The following ELOVL7 variants were observed in gnomAD, a reference collection of about 807,000 sequenced individuals.
The protein encoded by ELOVL7 is very long chain fatty acid elongase 7.
In ELOVL7, 27 loss-of-function variants were observed where a neutral mutation model predicts 35.7. That is an observed-to-expected ratio of 0.76 (90% CI 0.56 to 1.04). The LOEUF is 1.04. Ranked by LOEUF, ELOVL7 falls within the 50% of genes least tolerant of loss-of-function variation. The probability of loss-of-function intolerance (pLI) is 0.00; values close to 1 mark genes in which losing one functional copy is unlikely to be tolerated. For synonymous variants in ELOVL7, 113 were observed against 114.6 expected (o/e 0.99, Z 0.09); for missense variants, 327 against 340.8 (o/e 0.96, Z 0.32).
rs1224260058 is a variant in ELOVL7 at position 60,787,357 on chromosome 5, T to C, written c.41A>G (p.Tyr14Cys). 1.2e-6 allele frequency: 2 copies of C among 1,604,896 alleles called. No individual in the cohort carries two copies. The highest frequency in any genetic ancestry group is 1.3e-5 in the African/African-American group (1 of 74,472). Residue 14 changes from tyrosine to cysteine, a missense_variant, in exon 3 of 9, where the codon TAT becomes TGT. By Grantham distance (194) the Tyr-to-Cys change is radical. Transcript: ENST00000508821. ...ACCAGCATCTTTGATCCAATTATCA[T>C]AAAGATGCACAGTCCTCGATGTAAG... ...SDLTSRTVHL[Y>C]DNWIKDADPR...
At chr5:60,795,828 G>A (rs543590316) in intron 2 of ELOVL7, among the ~76,000 whole-genome samples, 5 of 123,844 alleles carry the variant, frequency 4.0e-5, no homozygotes, top group East Asian at 6.6e-4. Flanking sequence ...GTTCTCTTCC[G>A]TGACCCACGG....
At chr5:60,789,395 T>C (rs527862561) in intron 2 of ELOVL7, among the ~76,000 whole-genome samples, 4 of 152,220 alleles carry the variant, frequency 2.6e-5, no homozygotes, top group Non-Finnish European at 5.9e-5. Flanking sequence ...TCTGCAATAT[T>C]TTTTGTCTAT....
chr5:60,841,163 C>G (rs901254303), intron 1 of ELOVL7, among the ~76,000 whole-genome samples: 2 of 151,506 alleles, frequency 1.3e-5, no homozygotes, highest in Non-Finnish European at 2.9e-5. Context: ...GTAGCTGGGA[C>G]TACAGGCATG....
intron 1 of ELOVL7, among the ~76,000 whole-genome samples, chr5:60,823,597 T>A (rs1746008825): frequency 6.6e-6 from 1 of 152,188 alleles, no homozygotes; most frequent in Non-Finnish European, 1.5e-5. Flanking sequence ...AAGTAGGAAG[T>A]GGGATCAATT....
intron 7 of ELOVL7, among the ~76,000 whole-genome samples, chr5:60,759,330 G>A (rs1020625957): frequency 1.3e-4 from 20 of 152,094 alleles, no homozygotes; most frequent in African/African-American, 4.6e-4. Context: ...ATTTATATTT[G>A]GAATGGTCTT....
rs1741352068 is a variant in ELOVL7, at chr5:60,753,081, C to T, written c.*1543G>A. On this transcript the variant is annotated 3_prime_UTR_variant, in exon 9 of 9. Coordinates refer to ENST00000508821, the MANE Select transcript of ELOVL7 (RefSeq NM_024930.3). ...ACCTTATGAATCTGGTAAGTGTAAACATAAAAATACTTACTGTACACAGAG... is the reference window on the plus strand; with the variant it reads ...ACCTTATGAATCTGGTAAGTGTAAATATAAAAATACTTACTGTACACAGAG... 6.6e-6 allele frequency: 1 copy of T among 151,870 alleles called. No individual in the cohort carries two copies. Among genetic ancestry groups the T allele is most frequent in the Non-Finnish European group, 1.5e-5 (1 of 67,980 alleles). 9.4% of individuals were successfully genotyped at this position (151,870 alleles called of 1,614,324 possible).
chr5:60,775,242 C>T (rs1042165030), intron 3 of ELOVL7, among the ~76,000 whole-genome samples: 2 of 151,910 alleles, frequency 1.3e-5, no homozygotes, highest in Non-Finnish European at 2.9e-5. Flanking sequence ...ACCACAAGCA[C>T]AAAAAATAAA....
At chr5:60,790,180 A>T (rs1324514426) in intron 2 of ELOVL7, among the ~76,000 whole-genome samples, 6 of 152,142 alleles carry the variant, frequency 3.9e-5, no homozygotes, top group Non-Finnish European at 7.4e-5. Context: ...TACAAAATTT[A>T]AAAATGATGA....
chr5:60,819,297 T>G (rs976481243), intron 1 of ELOVL7, among the ~76,000 whole-genome samples: 2 of 152,130 alleles, frequency 1.3e-5, no homozygotes, highest in African/African-American at 4.8e-5. Context: ...GAATTACTAC[T>G]AGTTGAATAG....
chr5:60,818,321 A>G (rs1745655129), intron 1 of ELOVL7, among the ~76,000 whole-genome samples: 2 of 39,106 alleles, frequency 5.1e-5, no homozygotes, highest in Admixed American at 1.9e-4. Flanking sequence ...CCATCTCAGA[A>G]AAAAAAAAAA....
At chr5:60,756,602 C>T (rs1741554124) in intron 8 of ELOVL7, among the ~76,000 whole-genome samples, 2 of 152,086 alleles carry the variant, frequency 1.3e-5, no homozygotes, top group South Asian at 4.1e-4. Flanking sequence ...CAAGGAAATA[C>T]TCTGATCTTG....
At chr5:60,794,417 G>C (rs1744121223) in intron 2 of ELOVL7, among the ~76,000 whole-genome samples, 1 of 152,156 alleles carries the variant, frequency 6.6e-6, no homozygotes, top group Admixed American at 6.5e-5. Flanking sequence ...TGTCCTTTTT[G>C]CCCAAGTCTA....
At chr5:60,773,951 A>AT (rs563439399) in intron 3 of ELOVL7, among the ~76,000 whole-genome samples, 236 of 152,184 alleles carry the variant, frequency 1.6e-3, no homozygotes, top group Middle Eastern at 3.4e-3. Flanking sequence ...AAAAAACACT[A>AT]TTTTTTTTGT....
chr5:60,771,441 T>C (rs1450428832), intron 4 of ELOVL7, among the ~76,000 whole-genome samples: 1 of 152,168 alleles, frequency 6.6e-6, no homozygotes, highest in Admixed American at 6.5e-5. Flanking sequence ...CCAGCTAAAC[T>C]AACCAAAACA....
intron 1 of ELOVL7, among the ~76,000 whole-genome samples, chr5:60,799,514 G>A (rs563050103): frequency 6.6e-6 from 1 of 152,186 alleles, no homozygotes; most frequent in East Asian, 1.9e-4. Flanking sequence ...TGAGACCACA[G>A]AAATGCAAAG....
chr5:60,818,582 A>G (rs181977694), intron 1 of ELOVL7, among the ~76,000 whole-genome samples: 1 of 152,314 alleles, frequency 6.6e-6, no homozygotes, highest in East Asian at 1.9e-4. Context: ...AACAGTAATT[A>G]TAATAATTAC....
chr5:60,764,426 T>C, intron 6 of ELOVL7, 94 bp from the exon 7 acceptor site: 1 of 936,088 alleles, frequency 1.1e-6, no homozygotes, highest in South Asian at 1.5e-5. Context: ...AAGTATTTCA[T>C]ATCATAATTT....
At chr5:60,802,115 T>C (rs931632220) in intron 1 of ELOVL7, among the ~76,000 whole-genome samples, 303 of 6,400 alleles carry the variant, frequency 0.047, 10 homozygotes, top group South Asian at 0.12. Flanking sequence ...TATATATATA[T>C]ATACACACAC....
At chr5:60,827,334 C>T (rs1200654361) in intron 1 of ELOVL7, among the ~76,000 whole-genome samples, 1 of 152,074 alleles carries the variant, frequency 6.6e-6, no homozygotes, top group Non-Finnish European at 1.5e-5. Flanking sequence ...TCAATATTTC[C>T]TCAATGTAGG....
Sources: gnomAD v4.1 joint callset for allele counts (sites outside exome capture counted in the v4.1 genomes callset) on GRCh38, gnomAD v4.1.1 for gene constraint, MANE v1.5 for transcripts, NCBI Gene and HGNC (gene_info 2026-07-23, HGNC 2026-07-21) for gene names.